Variants in TCTN2 observed in about 807,000 individuals in gnomAD.
TCTN2 encodes the protein tectonic family member 2, also known as tectonic-2.
A neutral mutation model predicts 83.4 loss-of-function variants in TCTN2; 66 were observed. The observed-to-expected ratio is 0.79, with a 90% CI of 0.65 to 0.97. TCTN2 has a LOEUF of 0.97. TCTN2 is among the 50% of genes least tolerant of loss of function. The pLI is 0.00. For synonymous variants in TCTN2, 301 were observed against 326.7 expected, an observed-to-expected ratio of 0.92 and a Z score of 0.85; for missense variants, 794 against 858.1, an observed-to-expected ratio of 0.93 and a Z score of 0.93.
chr12:123,679,746 T>C (rs1303734119), intron 5 of TCTN2, among the ~76,000 whole-genome samples: 2 of 146,714 alleles, frequency 1.4e-5, no homozygotes, highest in East Asian at 4.0e-4. Context: ...GTTTTTTTTT[T>C]TTTTTTTTTT....
Position 123,690,622 on chromosome 12 carries a change from C to A in TCTN2, c.981C>A (p.Tyr327Ter), listed in dbSNP as rs138049537. The A allele has an allele frequency of 1.9e-6, 3 of 1,614,042 alleles. No homozygotes were observed. The highest frequency in any genetic ancestry group is 1.3e-5 in the African/African-American group (1 of 74,976). The change falls in exon 8 of 18, where the codon TAC (tyrosine) becomes TAA (stop). Residue 327 changes from tyrosine (Y) to a stop codon, truncating the protein, a stop_gained. Coordinates refer to ENST00000303372, the MANE Select transcript of TCTN2 (RefSeq NM_024809.5). LOFTEE classifies it high-confidence loss of function. ...DVKCVTNLELYQERDGIINAK... is the reference protein window; with the variant it reads ...DVKCVTNLEL The stretch of plus-strand genomic sequence containing the variant: ...AATGCGTTACTAATTTGGAACTATA[C>A]CAAGAACGAGATGGTATTATCAATG...
In TCTN2 at chr12:123,686,983, C is replaced by T; in HGVS notation, c.712C>T (p.Gln238Ter). ...CGATTGGTTTCCCTTTCTGTGTGTG[C>T]AGTCCCCCCTTGCCAACACACCCTT... ...VPDWFPFLCV[Q>*]SPLANTPFLG... The change falls in exon 6 of 18, where the codon CAG (glutamine) becomes TAG (stop). Residue 238 changes from glutamine (Q) to a stop codon, truncating the protein, a stop_gained. Transcript: ENST00000303372. LOFTEE classifies it high-confidence loss of function. 6.2e-7 allele frequency: 1 copy of T among 1,614,188 alleles called. No individual in the cohort carries two copies. Among genetic ancestry groups the T allele is most frequent in the Non-Finnish European group, 8.5e-7 (1 of 1,180,040 alleles).
intron 14 of TCTN2, among the ~76,000 whole-genome samples, chr12:123,704,260 C>T (rs10773024): frequency 6.6e-6 from 1 of 152,140 alleles, no homozygotes; most frequent in Admixed American, 6.5e-5. Flanking sequence ...CCGCCTCAGC[C>T]TCCCAAAGTG....
rs1023050754 is a variant in TCTN2, at chr12:123,690,530, C to A, written c.892-3C>A. On this transcript the variant is annotated splice_region_variant and splice_polypyrimidine_tract_variant and intron_variant, in intron 7 of 17. Coordinates refer to ENST00000303372, the MANE Select transcript of TCTN2 (RefSeq NM_024809.5). ...ATCTGTTGGCTTTGCCCTTCTCCCT[C>A]AGGTGTCCCTGGCTGGGCAGTGTAT... 2 of 1,614,210 alleles carry A rather than the reference C, an allele frequency of 1.2e-6. No homozygotes were observed. Among genetic ancestry groups the A allele is most frequent in the Non-Finnish European group, 1.7e-6 (2 of 1,180,050 alleles).
chr12:123,699,221 T>C (rs140691402), intron 13 of TCTN2, among the ~76,000 whole-genome samples: 1 of 151,520 alleles, frequency 6.6e-6, no homozygotes, highest in Non-Finnish European at 1.5e-5. Flanking sequence ...TGGTACGATC[T>C]CAGCTCACTG....
intron 12 of TCTN2, 150 bp from the exon 13 acceptor site, chr12:123,696,937 T>A (rs1243997054): frequency 1.5e-6 from 1 of 675,624 alleles, no homozygotes; most frequent in Non-Finnish European, 2.6e-6. Flanking sequence ...TTGTTCAGCT[T>A]TGAAAGGATT....
intron 4 of TCTN2, among the ~76,000 whole-genome samples, chr12:123,676,551 G>T (rs1955823976): frequency 8.3e-6 from 1 of 120,666 alleles, no homozygotes; most frequent in South Asian, 2.9e-4. Context: ...CTGGGTGACA[G>T]AGCGAGACTC....
chr12:123,692,771 C>A, intron 9 of TCTN2, 48 bp downstream of exon 9: 1 of 1,417,300 alleles, frequency 7.1e-7, no homozygotes, highest in Non-Finnish European at 1.0e-6. Flanking sequence ...ACAGATATGT[C>A]ATTTCTTACA....
At chr12:123,695,017 G>A in intron 10 of TCTN2, 41 bp downstream of exon 10, 1 of 1,607,908 alleles carries the variant, frequency 6.2e-7, no homozygotes, top group African/African-American at 1.3e-5. Flanking sequence ...TCACTGAAAA[G>A]TATTTTTTTT....
At chr12:123,701,457 G>A (rs1470236997) in intron 14 of TCTN2, among the ~76,000 whole-genome samples, 4 of 151,988 alleles carry the variant, frequency 2.6e-5, no homozygotes, top group African/African-American at 9.7e-5. Context: ...GCAACAGATC[G>A]GCTGGGCACG....
chr12:123,692,284 A>G (rs554702832), intron 8 of TCTN2, among the ~76,000 whole-genome samples: 2 of 152,324 alleles, frequency 1.3e-5, no homozygotes, highest in South Asian at 4.1e-4. Context: ...ACCTCAGGCA[A>G]TCTGCCTGCC....
intron 14 of TCTN2, among the ~76,000 whole-genome samples, chr12:123,700,488 A>C (rs1483368014): frequency 2.0e-5 from 3 of 152,170 alleles, no homozygotes; most frequent in Non-Finnish European, 2.9e-5. Flanking sequence ...GCTGGAGTGC[A>C]ATGGCACAAT....
chr12:123,679,705 T>C (rs1439207342), intron 5 of TCTN2, among the ~76,000 whole-genome samples: 1 of 151,484 alleles, frequency 6.6e-6, no homozygotes, highest in Non-Finnish European at 1.5e-5. Flanking sequence ...ACTGAGATTA[T>C]GTTTTCTATT....
chr12:123,703,192 T>C (rs1566263076), intron 14 of TCTN2, among the ~76,000 whole-genome samples: 1 of 135,214 alleles, frequency 7.4e-6, no homozygotes, highest in Non-Finnish European at 1.7e-5. Flanking sequence ...ATTATTATCA[T>C]TATTTTTTTT....
intron 9 of TCTN2, 111 bp downstream of exon 9, chr12:123,692,834 A>G (rs905027335): frequency 2.3e-6 from 2 of 867,662 alleles, no homozygotes; most frequent in African/African-American, 1.7e-5. Flanking sequence ...AAAAAGGTTC[A>G]CAATAGTTAG....
chr12:123,673,758 A>G lies in TCTN2; in HGVS notation c.411A>G (p.Leu137=). 1.2e-6 allele frequency: 2 copies of G among 1,614,094 alleles called. No homozygotes were observed. The highest frequency in any genetic ancestry group is 1.6e-4 in the Middle Eastern group (1 of 6,062). ...ASHNSSCSAH[L]LIQVEIYANS... is the part of the protein sequence containing the mutation. ...ATAATTCATCCTGTTCAGCACATCT[A>G]CTCATTCAAGTGGAAATTTATGCCA... The change falls in exon 4 of 18, where the codon CTA becomes CTG. Residue 137 remains leucine, a synonymous_variant. Transcript: ENST00000303372.
chr12:123,693,018 CTTTT>C (rs539689505), intron 9 of TCTN2, among the ~76,000 whole-genome samples: 1 of 53,780 alleles, frequency 1.9e-5, no homozygotes, highest in Non-Finnish European at 3.3e-5. Context: ...TTAAATAATT[CTTTT>C]TTTTTTTTTT....
rs759296198 is a variant in TCTN2, at chr12:123,671,534, C to G, written c.110C>G (p.Ser37Cys). ...LAFIPPFIRM[S>C]GPAVSASLVG... ...TTCATCCCTCCTTTTATCCGAATGT[C>G]CGGCCCTGCGGTCAGCGCGTCCCTG... Residue 37 changes from serine (S) to cysteine (C), a missense_variant, in exon 2 of 18, where the codon TCC becomes TGC. Physicochemically the swap from Ser to Cys is moderately radical, Grantham distance 112. Transcript: ENST00000303372. 41 of 1,614,056 alleles carry G rather than the reference C, an allele frequency of 2.5e-5. No individual in the cohort carries two copies. Among genetic ancestry groups the G allele is most frequent in the Non-Finnish European group, 3.3e-5 (39 of 1,180,038 alleles).
chr12:123,683,448 T>G (rs1406009126), intron 5 of TCTN2, among the ~76,000 whole-genome samples: 1 of 150,892 alleles, frequency 6.6e-6, no homozygotes, highest in Non-Finnish European at 1.5e-5. Flanking sequence ...CCCAGCTAAT[T>G]TTTTGTGTCT....
Sources: gnomAD v4.1 joint callset for allele counts (sites outside exome capture counted in the v4.1 genomes callset) on GRCh38, gnomAD v4.1.1 for gene constraint, MANE v1.5 for transcripts, NCBI Gene and HGNC (gene_info 2026-07-23, HGNC 2026-07-21) for gene names.